The following DPYD variants were observed in gnomAD, a reference collection of about 807,000 sequenced individuals.
DPYD encodes dihydropyrimidine dehydrogenase [NADP(+)].
DPYD carries 109 observed loss-of-function variants against 116.2 expected under a neutral mutation model. That is an observed-to-expected ratio of 0.94 (90% CI 0.80 to 1.10). The LOEUF (loss-of-function observed/expected upper bound fraction) is 1.10. Ranked by LOEUF, DPYD falls within the 50% of genes least tolerant of loss-of-function variation. DPYD has a pLI of 0.00. For synonymous variants in DPYD, 440 were observed against 432.0 expected (o/e 1.02, Z -0.23); for missense variants, 1,302 against 1,254.5 (o/e 1.04, Z -0.57).
intron 8 of DPYD, among the ~76,000 whole-genome samples, chr1:97,677,597 C>G (rs773401126): frequency 1.1e-4 from 16 of 151,966 alleles, no homozygotes; most frequent in Non-Finnish European, 2.1e-4. Flanking sequence ...TCAGATCTTG[C>G]CTCCTTCCTA....
intron 13 of DPYD, among the ~76,000 whole-genome samples, chr1:97,479,555 T>C (rs895257844): frequency 3.3e-5 from 5 of 152,064 alleles, no homozygotes; most frequent in Admixed American, 6.6e-5. Flanking sequence ...ACAGACATAA[T>C]AGTACTAAAA....
chr1:97,092,760 C>T (rs905212918), intron 21 of DPYD, among the ~76,000 whole-genome samples: 5 of 152,062 alleles, frequency 3.3e-5, no homozygotes, highest in African/African-American at 1.2e-4. Context: ...ACCTAAAACA[C>T]TAACATCAAA....
chr1:97,356,785 C>T (rs2101378579), intron 16 of DPYD, among the ~76,000 whole-genome samples: 1 of 152,220 alleles, frequency 6.6e-6, no homozygotes, highest in East Asian at 1.9e-4. Flanking sequence ...TGTCCTTTTT[C>T]CAATGGTTAT....
At chr1:97,498,062 T>C (rs1679367399) in intron 13 of DPYD, among the ~76,000 whole-genome samples, 1 of 151,736 alleles carries the variant, frequency 6.6e-6, no homozygotes, top group Non-Finnish European at 1.5e-5. Flanking sequence ...AAACCAGACA[T>C]TAAAGTCATA....
At chr1:97,229,467 A>G (rs1661431248) in intron 19 of DPYD, among the ~76,000 whole-genome samples, 1 of 148,538 alleles carries the variant, frequency 6.7e-6, no homozygotes, top group South Asian at 2.1e-4. Flanking sequence ...AAAGATGGAA[A>G]TATATATTCT....
At chr1:97,732,735 G>T (rs1242053685) in intron 4 of DPYD, among the ~76,000 whole-genome samples, 1 of 151,954 alleles carries the variant, frequency 6.6e-6, no homozygotes, top group Admixed American at 6.6e-5. Flanking sequence ...TTAAAGTCTG[G>T]ATTCTGGAAA....
At position 97,838,631 on chromosome 1, in the gene DPYD, G is replaced by C. The variant is rs550755943; in HGVS notation, c.151-10435C>G. On this transcript the variant is annotated intron_variant, in intron 2 of 22. Coordinates refer to ENST00000370192, the MANE Select transcript of DPYD (RefSeq NM_000110.4). ...GAGGCCGAGGCGGGTGGATCATGAG[G>C]TCAGGAGATCGAGACCATCCTGGCT... Among the ~76,000 whole-genome samples, 184 of 151,120 alleles carry C rather than the reference G, an allele frequency of 1.2e-3. No homozygotes were observed. In the Middle Eastern group the frequency reaches 0.024, roughly 20 times the overall value.
chr1:97,748,772 T>C (rs1045492269), intron 3 of DPYD, among the ~76,000 whole-genome samples: 6 of 152,238 alleles, frequency 3.9e-5, no homozygotes, highest in African/African-American at 1.4e-4. Flanking sequence ...TCATCAGTGG[T>C]CCAATATTAT....
chr1:97,721,171 T>C (rs1414960771), intron 5 of DPYD, among the ~76,000 whole-genome samples: 2 of 151,772 alleles, frequency 1.3e-5, no homozygotes, highest in African/African-American at 4.8e-5. Context: ...AAATAATCTG[T>C]TACAGAAGAT....
chr1:97,576,184 T>A (rs2102192516), intron 10 of DPYD, among the ~76,000 whole-genome samples: 1 of 152,314 alleles, frequency 6.6e-6, no homozygotes, highest in African/African-American at 2.4e-5. Flanking sequence ...ACATATCACC[T>A]TATAACTCAT....
intron 16 of DPYD, among the ~76,000 whole-genome samples, chr1:97,363,538 A>T (rs999071462): frequency 6.6e-6 from 1 of 152,146 alleles, no homozygotes; most frequent in Non-Finnish European, 1.5e-5. Context: ...AATAGCAAAA[A>T]CTTGGAAGCA....
chr1:97,407,561 T>C (rs1429250741), intron 14 of DPYD, among the ~76,000 whole-genome samples: 2 of 152,110 alleles, frequency 1.3e-5, no homozygotes, highest in African/African-American at 2.4e-5. Context: ...GCTGGATTAA[T>C]AGAATGGTGG....
chr1:97,640,300 T>C (rs912148901), intron 8 of DPYD, among the ~76,000 whole-genome samples: 1 of 151,954 alleles, frequency 6.6e-6, no homozygotes, highest in African/African-American at 2.4e-5. Context: ...CAAATTTCTT[T>C]TATTTTCTTT....
At chr1:97,874,218 A>G (rs1671794364) in intron 2 of DPYD, among the ~76,000 whole-genome samples, 1 of 151,946 alleles carries the variant, frequency 6.6e-6, no homozygotes, top group African/African-American at 2.4e-5. Flanking sequence ...ATAGAACTTC[A>G]GAAAAAATGA....
intron 18 of DPYD, among the ~76,000 whole-genome samples, chr1:97,299,264 T>G (rs184980113): frequency 6.6e-6 from 1 of 152,282 alleles, no homozygotes; most frequent in Admixed American, 6.5e-5. Context: ...ATTTCAAGCT[T>G]GAAATCATTC....
intron 1 of DPYD, among the ~76,000 whole-genome samples, chr1:97,887,374 G>C (rs533151648): frequency 6.7e-6 from 1 of 149,244 alleles, no homozygotes; most frequent in South Asian, 2.2e-4. Context: ...GAAGGCTGAA[G>C]CAGGAGGATC....
chr1:97,699,792 C>T (rs538514772), intron 5 of DPYD, among the ~76,000 whole-genome samples: 2 of 152,054 alleles, frequency 1.3e-5, no homozygotes, highest in East Asian at 3.9e-4. Flanking sequence ...TCCCTACTCC[C>T]ACCTAGAGGG....
intron 13 of DPYD, among the ~76,000 whole-genome samples, chr1:97,458,321 G>A (rs891351304): frequency 2.6e-5 from 4 of 152,098 alleles, no homozygotes; most frequent in South Asian, 2.1e-4. Context: ...CAAGAGAGGA[G>A]TTTTCCATTT....
intron 20 of DPYD, among the ~76,000 whole-genome samples, chr1:97,125,089 A>C (rs953176735): frequency 2.0e-5 from 3 of 152,122 alleles, no homozygotes; most frequent in African/African-American, 7.2e-5. Flanking sequence ...TTTTTAGATA[A>C]ACTAACAAGT....
Sources: gnomAD v4.1 joint callset for allele counts (sites outside exome capture counted in the v4.1 genomes callset) on GRCh38, gnomAD v4.1.1 for gene constraint, MANE v1.5 for transcripts, NCBI Gene and HGNC (gene_info 2026-07-23, HGNC 2026-07-21) for gene names.